Variants in PRKCA observed in about 807,000 individuals in gnomAD.
The protein encoded by PRKCA is protein kinase C alpha type.
PRKCA carries 27 observed loss-of-function variants against 87.0 expected under a neutral mutation model. The ratio of observed to expected loss-of-function variants is 0.31; its 90% confidence interval spans 0.23 to 0.43. The LOEUF (loss-of-function observed/expected upper bound fraction) is 0.43. PRKCA is among the 20% of genes least tolerant of loss of function. The pLI is 1.00. For synonymous variants in PRKCA, 329 were observed against 311.1 expected, an observed-to-expected ratio of 1.06 and a Z score of -0.61; for missense variants, 518 against 852.3, an observed-to-expected ratio of 0.61 and a Z score of 4.88.
intron 3 of PRKCA, among the ~76,000 whole-genome samples, chr17:66,636,358 A>G (rs1971151899): frequency 6.6e-6 from 1 of 152,222 alleles, no homozygotes; most frequent in Non-Finnish European, 1.5e-5. Context: ...GGCATCATCC[A>G]TATAATTGAG....
intron 3 of PRKCA, among the ~76,000 whole-genome samples, chr17:66,581,623 C>T (rs1969435724): frequency 6.6e-6 from 1 of 151,924 alleles, no homozygotes; most frequent in African/African-American, 2.4e-5. Context: ...CTACAGGCAC[C>T]CGCCACCACG....
intron 3 of PRKCA, among the ~76,000 whole-genome samples, chr17:66,582,638 C>T (rs533689266): frequency 1.3e-5 from 2 of 152,154 alleles, no homozygotes; most frequent in South Asian, 2.1e-4. Flanking sequence ...TTCCTTTATA[C>T]ATTGCCCCAT....
chr17:66,711,158 CAGAA>C (rs1191068899), intron 8 of PRKCA, among the ~76,000 whole-genome samples: 2 of 152,158 alleles, frequency 1.3e-5, no homozygotes, highest in Non-Finnish European at 2.9e-5. Flanking sequence ...ATCCAATGAA[CAGAA>C]AGAGTGCATC....
chr17:66,307,993 A>G (rs1904910897), intron 2 of PRKCA, among the ~76,000 whole-genome samples: 1 of 152,128 alleles, frequency 6.6e-6, no homozygotes, highest in Non-Finnish European at 1.5e-5. Flanking sequence ...TAGATGGTGG[A>G]TATTCTTCCA....
chr17:66,422,949 A>G (rs1463473676), intron 2 of PRKCA, among the ~76,000 whole-genome samples: 1 of 151,990 alleles, frequency 6.6e-6, no homozygotes, highest in Non-Finnish European at 1.5e-5. Flanking sequence ...CGTCTCTACT[A>G]AAAATAGAAA....
chr17:66,719,955 A>G (rs1598895776), intron 8 of PRKCA, among the ~76,000 whole-genome samples: 1 of 152,212 alleles, frequency 6.6e-6, no homozygotes, highest in Non-Finnish European at 1.5e-5. Flanking sequence ...TGCCTTCCCC[A>G]TATACTCTAC....
At chr17:66,576,131 C>G (rs541312477) in intron 3 of PRKCA, among the ~76,000 whole-genome samples, 1 of 152,202 alleles carries the variant, frequency 6.6e-6, no homozygotes, top group East Asian at 1.9e-4. Flanking sequence ...AACTTAGAAA[C>G]AAATATTCAT....
chr17:66,720,077 G>A (rs573306621), intron 8 of PRKCA, among the ~76,000 whole-genome samples: 4 of 152,350 alleles, frequency 2.6e-5, no homozygotes, highest in East Asian at 1.9e-4. Flanking sequence ...CCCAGTGGCC[G>A]AAGAAAGTAA....
intron 3 of PRKCA, among the ~76,000 whole-genome samples, chr17:66,572,472 GA>G: frequency 6.6e-6 from 1 of 151,378 alleles, no homozygotes; most frequent in South Asian, 2.1e-4. Context: ...ATCTCAGGGG[GA>G]GGAAAAAAAA....
At chr17:66,741,794 G>A (rs1598910357) in intron 12 of PRKCA, 73 bp downstream of exon 12, 3 of 1,481,798 alleles carry the variant, frequency 2.0e-6, no homozygotes, top group Non-Finnish European at 1.9e-6. Flanking sequence ...TGTCATTCTG[G>A]AATGGTGACT....
intron 2 of PRKCA, among the ~76,000 whole-genome samples, chr17:66,404,830 A>G (rs184313879): frequency 7.3e-6 from 1 of 137,328 alleles, no homozygotes; most frequent in Admixed American, 8.1e-5. Flanking sequence ...GCTCACTGCA[A>G]CCTCTGTCTC....
intron 14 of PRKCA, among the ~76,000 whole-genome samples, chr17:66,784,868 C>A (rs1423548926): frequency 6.6e-6 from 1 of 152,082 alleles, no homozygotes; most frequent in African/African-American, 2.4e-5. Flanking sequence ...TGGTGGGTGC[C>A]CCCCCAAGCT....
intron 3 of PRKCA, among the ~76,000 whole-genome samples, chr17:66,503,781 A>G (rs956033400): frequency 6.6e-6 from 1 of 152,232 alleles, no homozygotes; most frequent in Non-Finnish European, 1.5e-5. Context: ...AGATTCATTT[A>G]TAATAAAATT....
At chr17:66,400,971 A>C (rs978308951) in intron 2 of PRKCA, among the ~76,000 whole-genome samples, 2 of 152,222 alleles carry the variant, frequency 1.3e-5, no homozygotes, top group African/African-American at 4.8e-5. Context: ...CTGGTTGTAC[A>C]AAACTATTCC....
chr17:66,370,228 C>T (rs1224602996), intron 2 of PRKCA, among the ~76,000 whole-genome samples: 7 of 112,242 alleles, frequency 6.2e-5, no homozygotes, highest in Admixed American at 1.0e-4. Flanking sequence ...TATTTTGATA[C>T]TTTTTTTTTT....
At chr17:66,348,268 T>TC (rs1907530340) in intron 2 of PRKCA, among the ~76,000 whole-genome samples, 1 of 152,050 alleles carries the variant, frequency 6.6e-6, no homozygotes, top group Admixed American at 6.6e-5. Context: ...TAATGCTTCA[T>TC]CGAGACTTTC....
At chr17:66,463,643 C>T (rs549083913) in intron 2 of PRKCA, among the ~76,000 whole-genome samples, 1 of 152,282 alleles carries the variant, frequency 6.6e-6, no homozygotes, top group South Asian at 2.1e-4. Context: ...GATCTGCCTG[C>T]CTTGGCCTCC....
At chr17:66,540,589 C>T (rs1320678936) in intron 3 of PRKCA, among the ~76,000 whole-genome samples, 2 of 152,224 alleles carry the variant, frequency 1.3e-5, no homozygotes, top group South Asian at 2.1e-4. Context: ...CGGGGCCCTG[C>T]TGCACTTTGT....
chr17:66,805,064 A>G lies in PRKCA; in HGVS notation c.*1027A>G. 1.3e-5 allele frequency: 13 copies of G among 981,998 alleles called. No individual in the cohort carries two copies. Among genetic ancestry groups the G allele is most frequent in the Non-Finnish European group, 1.6e-5 (13 of 826,832 alleles). 60.8% of individuals were successfully genotyped at this position (981,998 alleles called of 1,614,324 possible). A position where few individuals can be genotyped will look rare whatever the true frequency, so the allele number is the denominator to read the frequency against. On this transcript the variant is annotated 3_prime_UTR_variant, in exon 17 of 17. Transcript: ENST00000413366. Reference sequence around the variant, plus strand: ...GTACAGTAACTTAATGGAAGTGCTGACTCTAGCATCAGCCTCTACCGATTG... The same window carrying G: ...GTACAGTAACTTAATGGAAGTGCTGGCTCTAGCATCAGCCTCTACCGATTG...
Sources: gnomAD v4.1 joint callset for allele counts (sites outside exome capture counted in the v4.1 genomes callset) on GRCh38, gnomAD v4.1.1 for gene constraint, MANE v1.5 for transcripts, NCBI Gene and HGNC (gene_info 2026-07-23, HGNC 2026-07-21) for gene names.